Variants in TRHDE observed in about 807,000 individuals in gnomAD.
The protein encoded by TRHDE is thyrotropin releasing hormone degrading enzyme.
TRHDE carries 72 observed loss-of-function variants against 125.7 expected under a neutral mutation model. That is an observed-to-expected ratio of 0.57 (90% CI 0.47 to 0.70). The LOEUF (loss-of-function observed/expected upper bound fraction) is 0.70. TRHDE is among the 30% of genes least tolerant of loss of function. The pLI, the probability that TRHDE is intolerant of heterozygous loss-of-function variation, is 0.00. For synonymous variants in TRHDE, 509 were observed against 509.1 expected, an observed-to-expected ratio of 1.00 and a Z score of 0.00; for missense variants, 1,110 against 1,327.1, an observed-to-expected ratio of 0.84 and a Z score of 2.54.
chr12:72,169,139 CTTT>C (rs79350221), intron 2 of TRHDE, among the ~76,000 whole-genome samples: 1 of 140,540 alleles, frequency 7.1e-6, no homozygotes, highest in Non-Finnish European at 1.6e-5. Context: ...ATGAAACAGA[CTTT>C]TTTTTTTTTT....
At chr12:72,463,005 A>G (rs903632226) in intron 3 of TRHDE, among the ~76,000 whole-genome samples, 1 of 152,230 alleles carries the variant, frequency 6.6e-6, no homozygotes, top group Non-Finnish European at 1.5e-5. Flanking sequence ...AAAACCAGAA[A>G]GAACAAATTT....
chr12:72,306,033 C>T (rs1378309033), intron 2 of TRHDE, among the ~76,000 whole-genome samples: 2 of 152,206 alleles, frequency 1.3e-5, no homozygotes, highest in East Asian at 1.9e-4. Context: ...AATCCAAAGG[C>T]AAGTCTCATG....
At chr12:72,603,390 G>T (rs1427170409) in intron 12 of TRHDE, among the ~76,000 whole-genome samples, 1 of 152,048 alleles carries the variant, frequency 6.6e-6, no homozygotes, top group African/African-American at 2.4e-5. Context: ...CAAAGGGAAA[G>T]AAGTGTGAAG....
chr12:72,305,521 A>T (rs1208740977), intron 2 of TRHDE, among the ~76,000 whole-genome samples: 1 of 152,208 alleles, frequency 6.6e-6, no homozygotes, highest in Non-Finnish European at 1.5e-5. Context: ...TGGCTACAAG[A>T]ATCGTTTGCC....
rs1452319308 is a variant in TRHDE at position 72,310,209 on chromosome 12, T to C, written c.1188+23255T>C. On this transcript the variant is annotated intron_variant, in intron 2 of 18. Coordinates refer to ENST00000261180, the MANE Select transcript of TRHDE (RefSeq NM_013381.3). ...CTCTATGTCTGACTTTCTTCACCTG[T>C]TAAAGGGAGACAATAATAGTATCCA... 3.9e-5 allele frequency among the ~76,000 whole-genome samples: 6 copies of C among 152,182 alleles called. No homozygotes were observed. In the East Asian group the frequency reaches 1.2e-3, roughly 29 times the overall value.
intron 12 of TRHDE, 130 bp from the exon 13 acceptor site, chr12:72,618,761 A>G (rs1872922746): frequency 4.3e-6 from 3 of 697,228 alleles, no homozygotes; most frequent in Non-Finnish European, 4.4e-6. Flanking sequence ...AAAGTGAGTA[A>G]TTTTATTCTT....
intron 5 of TRHDE, among the ~76,000 whole-genome samples, chr12:72,498,901 C>T (rs897329047): frequency 1.3e-5 from 2 of 151,568 alleles, no homozygotes; most frequent in Admixed American, 6.6e-5. Flanking sequence ...AGTATTCTAG[C>T]TTGATGTGAA....
chr12:72,107,540 T>G (rs1288559399), intron 2 of TRHDE, among the ~76,000 whole-genome samples: 2 of 152,170 alleles, frequency 1.3e-5, no homozygotes, highest in African/African-American at 4.8e-5. Context: ...AGGTGAACTC[T>G]CTTTCTGAAC....
chr12:72,384,974 G>A (rs1872348140), intron 3 of TRHDE, among the ~76,000 whole-genome samples: 1 of 151,932 alleles, frequency 6.6e-6, no homozygotes, highest in Non-Finnish European at 1.5e-5. Flanking sequence ...TTTAATTTGA[G>A]GTGACACTTA....
At chr12:72,123,395 G>T (rs1390390348) in intron 2 of TRHDE, among the ~76,000 whole-genome samples, 3 of 151,926 alleles carry the variant, frequency 2.0e-5, no homozygotes, top group East Asian at 3.9e-4. Flanking sequence ...TTTCATTAGA[G>T]AAATTTGAAA....
chr12:72,465,573 AT>A (rs1175790346), intron 3 of TRHDE, among the ~76,000 whole-genome samples: 3 of 152,072 alleles, frequency 2.0e-5, no homozygotes, highest in Non-Finnish European at 4.4e-5. Flanking sequence ...GCTGAGTAGT[AT>A]TTTGTTGCAT....
chr12:72,087,390 A>C (rs528418971), exon 1 of TRHDE: 1 of 152,494 alleles, frequency 6.6e-6, no homozygotes, highest in Admixed American at 6.5e-5. Flanking sequence ...TAAAACCTGA[A>C]GACACAGAAG....
rs1164579659 is a variant in TRHDE at position 72,664,571 on chromosome 12, A to G, written c.*1376A>G. 1 of 152,150 alleles carries G rather than the reference A, an allele frequency of 6.6e-6. No homozygotes were observed. The highest frequency in any genetic ancestry group is 1.5e-5 in the Non-Finnish European group (1 of 68,000). The allele number at this position is 152,150 out of a possible 1,614,324, so 9.4% of individuals were successfully genotyped here. A position where few individuals can be genotyped will look rare whatever the true frequency, so the allele number is the denominator to read the frequency against. On this transcript the variant is annotated 3_prime_UTR_variant, in exon 19 of 19. Transcript: ENST00000261180. ...ATGTTTTTAAATGGTATTCTCACCCAGTAGGCCAGCTCTCCAAACGTTGCT... is the reference window on the plus strand; with the variant it reads ...ATGTTTTTAAATGGTATTCTCACCCGGTAGGCCAGCTCTCCAAACGTTGCT...
intron 4 of TRHDE, among the ~76,000 whole-genome samples, chr12:72,472,654 G>A (rs368313223): frequency 5.9e-5 from 9 of 152,090 alleles, no homozygotes; most frequent in East Asian, 1.9e-4. Context: ...GGTTTTCTGC[G>A]TTTTCAGCAG....
chr12:72,508,688 T>C (rs1271877293), intron 6 of TRHDE, among the ~76,000 whole-genome samples: 2 of 152,134 alleles, frequency 1.3e-5, no homozygotes, highest in African/African-American at 2.4e-5. Flanking sequence ...GTTAAGACTT[T>C]AGGGGACTGC....
intron 5 of TRHDE, among the ~76,000 whole-genome samples, chr12:72,478,490 T>G (rs1877000778): frequency 6.7e-6 from 1 of 150,176 alleles, no homozygotes; most frequent in African/African-American, 2.5e-5. Context: ...GCAAACTTTT[T>G]TCCTTACTGA....
At chr12:72,495,069 T>TG (rs911218203) in intron 5 of TRHDE, among the ~76,000 whole-genome samples, 5 of 139,064 alleles carry the variant, frequency 3.6e-5, no homozygotes, top group Non-Finnish European at 6.2e-5. Context: ...CGTTTTTTTT[T>TG]TTTTTTTTTT....
chr12:72,500,316 TTAATAA>T (rs1466152334), intron 6 of TRHDE, among the ~76,000 whole-genome samples: 1 of 152,190 alleles, frequency 6.6e-6, no homozygotes, highest in Admixed American at 6.5e-5. Flanking sequence ...CACTAGCCAC[TTAATAA>T]TAGTTAAAAT....
intron 3 of TRHDE, among the ~76,000 whole-genome samples, chr12:72,403,696 C>A (rs1289436351): frequency 1.3e-5 from 2 of 152,156 alleles, no homozygotes; most frequent in Admixed American, 1.3e-4. Context: ...GATCCAAAGG[C>A]AGCAGAATTT....
Sources: gnomAD v4.1 joint callset for allele counts (sites outside exome capture counted in the v4.1 genomes callset) on GRCh38, gnomAD v4.1.1 for gene constraint, MANE v1.5 for transcripts, NCBI Gene and HGNC (gene_info 2026-07-23, HGNC 2026-07-21) for gene names.